Variants in YY1 observed in about 807,000 individuals in gnomAD.
YY1 encodes transcriptional repressor protein YY1.
A neutral mutation model predicts 35.6 loss-of-function variants in YY1; 2 were observed. That is an observed-to-expected ratio of 0.06 (90% CI 0.02 to 0.18). The LOEUF (loss-of-function observed/expected upper bound fraction) is 0.18, where lower values mean the gene tolerates loss of function less well. YY1 is among the 10% of genes least tolerant of loss of function. The pLI is 1.00. For missense variants in YY1, 322 were observed against 573.4 expected (o/e 0.56, Z 4.48); for synonymous variants, 268 against 238.9 (o/e 1.12, Z -1.12).
chr14:100,249,393 T>G (rs1890888169), intron 1 of YY1, among the ~76,000 whole-genome samples: 2 of 152,104 alleles, frequency 1.3e-5, no homozygotes, highest in African/African-American at 4.8e-5. Flanking sequence ...GTTCTGGGAT[T>G]ACAGGCGTGA....
At chr14:100,250,840 TAA>T (rs77056939) in intron 1 of YY1, among the ~76,000 whole-genome samples, 18 of 118,742 alleles carry the variant, frequency 1.5e-4, no homozygotes, top group African/African-American at 1.8e-4. Context: ...CACAGAAAAT[TAA>T]AAAAAAAAAA....
At chr14:100,260,429 A>ATG (rs1472511216) in intron 1 of YY1, among the ~76,000 whole-genome samples, 1 of 53,348 alleles carries the variant, frequency 1.9e-5, no homozygotes, top group African/African-American at 1.1e-4. Flanking sequence ...ATATGAATAT[A>ATG]TATATATATA....
Position 100,279,953 on chromosome 14 carries a change from C to G in YY1, c.*2353C>G, listed in dbSNP as rs1415424946. The G allele has an allele frequency of 6.6e-6, 1 of 152,300 alleles. No individual in the cohort carries two copies. Among genetic ancestry groups the G allele is most frequent in the Non-Finnish European group, 1.5e-5 (1 of 68,090 alleles). The allele number at this position is 152,300 out of a possible 1,614,324, so 9.4% of individuals were successfully genotyped here. On this transcript the variant is annotated 3_prime_UTR_variant, in exon 5 of 5. Coordinates refer to ENST00000262238, the MANE Select transcript of YY1 (RefSeq NM_003403.5). ...TCTGTGCCTTGATCCCTTGGGGGTGCCTTTGGTCATCTCTTCTGTCCTTTC... is the reference window on the plus strand; with the variant it reads ...TCTGTGCCTTGATCCCTTGGGGGTGGCTTTGGTCATCTCTTCTGTCCTTTC...
At position 100,279,348 on chromosome 14, in the gene YY1, A is replaced by C. The variant is rs1221211323; in HGVS notation, c.*1748A>C. On this transcript the variant is annotated 3_prime_UTR_variant, in exon 5 of 5. Transcript: ENST00000262238. ...GGTGAAACACATAGCCCATTGTCTT[A>C]GAGCTTCTCCATCGGTCCTGTACAG... 1 of 152,246 alleles carries C rather than the reference A, an allele frequency of 6.6e-6. No homozygotes were observed. Among genetic ancestry groups the C allele is most frequent in the Admixed American group, 6.5e-5 (1 of 15,284 alleles). 9.4% of individuals were successfully genotyped at this position (152,246 alleles called of 1,614,324 possible).
At chr14:100,250,360 C>A (rs1413417067) in intron 1 of YY1, among the ~76,000 whole-genome samples, 1 of 152,080 alleles carries the variant, frequency 6.6e-6, no homozygotes, top group Admixed American at 6.6e-5. Flanking sequence ...AGCGGTGACT[C>A]TTTTTTGTCT....
chr14:100,253,873 C>T (rs550833160), intron 1 of YY1, among the ~76,000 whole-genome samples: 15 of 152,096 alleles, frequency 9.9e-5, no homozygotes, highest in Non-Finnish European at 2.1e-4. Flanking sequence ...GTTGTTGGCT[C>T]AGGGTGGAGT....
intron 1 of YY1, among the ~76,000 whole-genome samples, chr14:100,253,048 AAAAG>A (rs1251578840): frequency 2.6e-5 from 4 of 152,108 alleles, no homozygotes; most frequent in Non-Finnish European, 4.4e-5. Flanking sequence ...GTCTCAAAGG[AAAAG>A]AAAGAAAGAA....
chr14:100,245,720 C>T (rs984930815), intron 1 of YY1, among the ~76,000 whole-genome samples: 4 of 152,000 alleles, frequency 2.6e-5, no homozygotes, highest in African/African-American at 9.7e-5. Flanking sequence ...CATTCTCCTG[C>T]CTCAGCCTCC....
intron 1 of YY1, among the ~76,000 whole-genome samples, chr14:100,249,755 TTTTTGTTTG>T (rs1486385009): frequency 2.5e-4 from 20 of 79,834 alleles, no homozygotes; most frequent in African/African-American, 9.1e-4. Flanking sequence ...ACCGTTTTTT[TTTTTGTTTG>T]TTTTTGTTTT....
At chr14:100,268,972 G>A (rs1038521703) in intron 2 of YY1, among the ~76,000 whole-genome samples, 17 of 152,178 alleles carry the variant, frequency 1.1e-4, no homozygotes, top group African/African-American at 3.9e-4. Flanking sequence ...CCAGAAGTTT[G>A]GGTTCTGAAG....
rs1279324008 is a variant in YY1 at position 100,267,814 on chromosome 14, G to A, written c.842+5348G>A. Among the ~76,000 whole-genome samples, 5 of 152,328 alleles carry A rather than the reference G, an allele frequency of 3.3e-5. No homozygotes were observed. In the East Asian group the frequency reaches 5.8e-4, roughly 18 times the overall value. On this transcript the variant is annotated intron_variant, in intron 2 of 4. Coordinates refer to ENST00000262238, the MANE Select transcript of YY1 (RefSeq NM_003403.5). ...TGGGATTACAGGCGTGAGCCACTGCGCCCGGCCTCTAACATAGTAGCTCTT... is the reference window on the plus strand; with the variant it reads ...TGGGATTACAGGCGTGAGCCACTGCACCCGGCCTCTAACATAGTAGCTCTT...
In YY1 at chr14:100,281,646, A is replaced by C. The variant is rs1203922947; in HGVS notation, c.*4046A>C. On this transcript the variant is annotated 3_prime_UTR_variant, in exon 5 of 5. Coordinates refer to ENST00000262238, the MANE Select transcript of YY1 (RefSeq NM_003403.5). ...TTAGCCTTCTCTCTGACTTTACAGG[A>C]CAAAAGGTACCCCACGCCTTCAGAA... 6.6e-6 allele frequency: 1 copy of C among 152,002 alleles called. No homozygotes were observed. The highest frequency in any genetic ancestry group is 1.5e-5 in the Non-Finnish European group (1 of 68,050). The allele number at this position is 152,002 out of a possible 1,614,324, so 9.4% of individuals were successfully genotyped here. A position where few individuals can be genotyped will look rare whatever the true frequency, so the allele number is the denominator to read the frequency against.
intron 3 of YY1, among the ~76,000 whole-genome samples, chr14:100,274,981 T>C (rs1368977028): frequency 1.3e-5 from 2 of 152,224 alleles, no homozygotes; most frequent in Admixed American, 1.3e-4. Context: ...TTGATTACTG[T>C]GTGTTGACTC....
In YY1 at chr14:100,277,833, T is replaced by G; in HGVS notation, c.*233T>G. The G allele has an allele frequency of 1.9e-6, 1 of 531,850 alleles. No homozygotes were observed. The highest frequency in any genetic ancestry group is 3.3e-6 in the Non-Finnish European group (1 of 302,628). 32.9% of individuals were successfully genotyped at this position (531,850 alleles called of 1,614,324 possible). A position where few individuals can be genotyped will look rare whatever the true frequency, so the allele number is the denominator to read the frequency against. On this transcript the variant is annotated 3_prime_UTR_variant, in exon 5 of 5. Transcript: ENST00000262238. The surrounding 1 kb of genome is among the most constrained non-coding windows in gnomAD (Gnocchi z 5.6). ...CTGTAATCTCGTTTCAAAAACACAG[T>G]GTTTTTGTAAAGTGTGGTCCCAACA...
chr14:100,241,246 A>G lies in YY1; in HGVS notation c.679+1323A>G, dbSNP rs997514. 7.9e-5 allele frequency among the ~76,000 whole-genome samples: 12 copies of G among 152,368 alleles called. 1 individual carries two copies. The highest frequency in any genetic ancestry group is 2.9e-4 in the African/African-American group (12 of 41,592). On this transcript the variant is annotated intron_variant, in intron 1 of 4. Coordinates refer to ENST00000262238, the MANE Select transcript of YY1 (RefSeq NM_003403.5). ...GTTTAGTACTCCATATAAGCGGTGG[A>G]ACCTCTTCCCTATAAGTACTTTAAA...
At chr14:100,273,428 A>G (rs755622069) in intron 2 of YY1, among the ~76,000 whole-genome samples, 2 of 152,120 alleles carry the variant, frequency 1.3e-5, no homozygotes, top group African/African-American at 4.8e-5. Context: ...GGTTGGGACT[A>G]TCGACACACA....
chr14:100,268,510 GA>G (rs1332269154), intron 2 of YY1, among the ~76,000 whole-genome samples: 1 of 152,170 alleles, frequency 6.6e-6, no homozygotes, highest in Non-Finnish European at 1.5e-5. Context: ...CTTTGGTCTA[GA>G]AAGATTAGAA....
Position 100,239,262 on chromosome 14 carries a change from C to T in YY1, c.18C>T (p.Thr6=), listed in dbSNP as rs767812207. The T allele has an allele frequency of 5.9e-5, 93 of 1,575,420 alleles. No individual in the cohort carries two copies. Among genetic ancestry groups the T allele is most frequent in the East Asian group, 3.3e-4 (14 of 42,506 alleles). ...CCTCAGCCATGGCCTCGGGCGACAC[C>T]CTCTACATCGCCACGGACGGCTCGG... MASGD[T]LYIATDGSEM... The change falls in exon 1 of 5, where the codon ACC becomes ACT. Residue 6 remains threonine (T), a synonymous_variant. Transcript: ENST00000262238.
intron 2 of YY1, among the ~76,000 whole-genome samples, chr14:100,266,893 C>T (rs1182518805): frequency 1.3e-5 from 2 of 152,096 alleles, no homozygotes; most frequent in Non-Finnish European, 2.9e-5. Flanking sequence ...TGCACCCTTT[C>T]TGAGGAGGTA....
Sources: allele counts gnomAD v4.1 joint callset (sites outside exome capture counted in the v4.1 genomes callset), GRCh38; gene constraint gnomAD v4.1.1; non-coding constraint Gnocchi (gnomAD v3.1); transcripts MANE v1.5; gene names NCBI Gene and HGNC (gene_info 2026-07-23, HGNC 2026-07-21).